Variants in CPED1 observed in about 807,000 individuals in gnomAD.
CPED1 encodes the protein cadherin-like and PC-esterase domain-containing protein 1.
A neutral mutation model predicts 128.2 loss-of-function variants in CPED1; 114 were observed. The ratio of observed to expected loss-of-function variants is 0.89; its 90% CI spans 0.76 to 1.04. CPED1 has a LOEUF of 1.04. Ranked by LOEUF, CPED1 falls within the 50% of genes least tolerant of loss-of-function variation. The pLI is 0.00. For synonymous variants in CPED1, 462 were observed against 426.7 expected, an observed-to-expected ratio of 1.08 and a Z score of -1.02; for missense variants, 1,211 against 1,207.1, an observed-to-expected ratio of 1.00 and a Z score of -0.05.
intron 7 of CPED1, among the ~76,000 whole-genome samples, chr7:121,113,220 T>G (rs1795154206): frequency 6.6e-6 from 1 of 152,226 alleles, no homozygotes; most frequent in Admixed American, 6.5e-5. Context: ...TCAGTTGTAC[T>G]CCAGAACTGT....
At chr7:121,023,766 C>G (rs933180725) in intron 3 of CPED1, among the ~76,000 whole-genome samples, 23 of 152,192 alleles carry the variant, frequency 1.5e-4, no homozygotes, top group African/African-American at 5.5e-4. Context: ...TAATGAACTT[C>G]TCTTCTCATT....
At chr7:121,165,695 C>T (rs951458754) in intron 16 of CPED1, among the ~76,000 whole-genome samples, 1 of 152,150 alleles carries the variant, frequency 6.6e-6, no homozygotes, top group African/African-American at 2.4e-5. Context: ...TGATTAACCA[C>T]CACTAAGTCT....
intron 17 of CPED1, among the ~76,000 whole-genome samples, chr7:121,243,887 T>C (rs1250643636): frequency 6.6e-6 from 1 of 152,226 alleles, no homozygotes; most frequent in Non-Finnish European, 1.5e-5. Context: ...TGCTTTGGTC[T>C]TACTGAAGTG....
intron 5 of CPED1, among the ~76,000 whole-genome samples, chr7:121,073,289 G>T (rs373774947): frequency 3.9e-5 from 6 of 152,122 alleles, no homozygotes; most frequent in East Asian, 3.9e-4. Context: ...CATCATGAAG[G>T]TCTTCATCCT....
chr7:121,136,202 TTAAAG>T, intron 14 of CPED1, 112 bp downstream of exon 14: 3 of 1,026,684 alleles, frequency 2.9e-6, no homozygotes, highest in East Asian at 6.1e-5. Context: ...CTGATAATTG[TTAAAG>T]TAAATTTTAG....
intron 10 of CPED1, among the ~76,000 whole-genome samples, chr7:121,128,051 T>C (rs1795552994): frequency 6.6e-6 from 1 of 152,110 alleles, no homozygotes; most frequent in Non-Finnish European, 1.5e-5. Context: ...AGCATTCACA[T>C]CTATTGTCAT....
intron 16 of CPED1, among the ~76,000 whole-genome samples, chr7:121,193,912 A>G (rs1797202886): frequency 6.6e-6 from 1 of 151,386 alleles, no homozygotes; most frequent in Non-Finnish European, 1.5e-5. Context: ...TTATATGTAT[A>G]TAATGAAGTA....
intron 16 of CPED1, among the ~76,000 whole-genome samples, chr7:121,175,203 G>T (rs1184286163): frequency 6.6e-6 from 1 of 151,910 alleles, no homozygotes; most frequent in Non-Finnish European, 1.5e-5. Context: ...CTATTTGGAT[G>T]GCCTTTCTTT....
intron 22 of CPED1, 88 bp downstream of exon 22, chr7:121,271,518 G>C: frequency 7.6e-7 from 1 of 1,317,854 alleles, no homozygotes; most frequent in South Asian, 1.4e-5. Flanking sequence ...GTCTTATTTT[G>C]CATGAAACAA....
intron 16 of CPED1, among the ~76,000 whole-genome samples, chr7:121,228,587 A>AAG (rs1491158228): frequency 0.014 from 1 of 70 alleles, no homozygotes; most frequent in Non-Finnish European, 0.1. Flanking sequence ...GAGATTTCTC[A>AAG]AAAAAAAAAA....
intron 2 of CPED1, among the ~76,000 whole-genome samples, chr7:120,990,858 G>C (rs1026827582): frequency 1.3e-5 from 2 of 152,140 alleles, no homozygotes; most frequent in African/African-American, 4.8e-5. Flanking sequence ...AAACCTCCAC[G>C]ATTGACCAGC....
chr7:121,228,785 G>A (rs1322817195), intron 16 of CPED1, among the ~76,000 whole-genome samples: 2 of 151,786 alleles, frequency 1.3e-5, no homozygotes, highest in Admixed American at 6.6e-5. Flanking sequence ...TGTGGAACAT[G>A]GACCATTACT....
chr7:121,059,774 A>G (rs1346860953), intron 4 of CPED1, among the ~76,000 whole-genome samples: 1 of 152,224 alleles, frequency 6.6e-6, no homozygotes, highest in Non-Finnish European at 1.5e-5. Flanking sequence ...TTAGATGCAT[A>G]TTATCACACA....
intron 22 of CPED1, among the ~76,000 whole-genome samples, chr7:121,276,728 C>A (rs758510787): frequency 1.2e-4 from 19 of 152,222 alleles, no homozygotes; most frequent in Non-Finnish European, 2.5e-4. Context: ...CCATTGCAAT[C>A]CCATAGAATA....
At chr7:121,108,696 G>A (rs1230511040) in intron 7 of CPED1, among the ~76,000 whole-genome samples, 1 of 151,874 alleles carries the variant, frequency 6.6e-6, no homozygotes, top group Non-Finnish European at 1.5e-5. Context: ...CACAAATATA[G>A]GATATTTTTA....
At chr7:121,168,784 G>C (rs1563052830) in intron 16 of CPED1, among the ~76,000 whole-genome samples, 1 of 151,894 alleles carries the variant, frequency 6.6e-6, no homozygotes, top group Non-Finnish European at 1.5e-5. Context: ...CTGTGTCTAT[G>C]AGTTCAATTG....
chr7:121,279,907 C>T (rs1792421703), intron 22 of CPED1, among the ~76,000 whole-genome samples: 1 of 152,160 alleles, frequency 6.6e-6, no homozygotes, highest in South Asian at 2.1e-4. Flanking sequence ...ATTCCACAGT[C>T]AGGCAGAGGG....
intron 5 of CPED1, among the ~76,000 whole-genome samples, chr7:121,067,910 T>C (rs1793885818): frequency 6.6e-6 from 1 of 152,240 alleles, no homozygotes; most frequent in Non-Finnish European, 1.5e-5. Context: ...CATAAATGTC[T>C]TCTTTTGAGA....
chr7:121,242,908 C>A (rs900372561), intron 17 of CPED1, among the ~76,000 whole-genome samples: 1 of 151,966 alleles, frequency 6.6e-6, no homozygotes, highest in African/African-American at 2.4e-5. Flanking sequence ...TAAACTATAT[C>A]ATCTTTCATA....
Sources: gnomAD v4.1 joint callset for allele counts (sites outside exome capture counted in the v4.1 genomes callset) on GRCh38, gnomAD v4.1.1 for gene constraint, MANE v1.5 for transcripts, NCBI Gene and HGNC (gene_info 2026-07-23, HGNC 2026-07-21) for gene names.